CHCHD3: variants seen among roughly 807,000 people sequenced by gnomAD.
CHCHD3 encodes the protein MICOS complex subunit MIC19.
Under a neutral mutation model 38.2 loss-of-function variants are expected in CHCHD3, and 20 were observed. That is an observed-to-expected ratio of 0.52 (90% CI 0.37 to 0.76). The LOEUF (loss-of-function observed/expected upper bound fraction) is 0.76. Ranked by LOEUF, CHCHD3 falls within the 30% of genes least tolerant of loss-of-function variation. The probability of loss-of-function intolerance (pLI) is 0.00; values close to 1 mark genes in which losing one functional copy is unlikely to be tolerated. For synonymous variants in CHCHD3, 82 were observed against 100.0 expected (o/e 0.82, Z 1.07); for missense variants, 245 against 279.2 (o/e 0.88, Z 0.87).
intron 4 of CHCHD3, among the ~76,000 whole-genome samples, chr7:132,949,149 C>G (rs955671438): frequency 6.6e-6 from 1 of 152,126 alleles, no homozygotes; most frequent in African/African-American, 2.4e-5. Context: ...CAGATACTAA[C>G]TCTTCATATA....
chr7:133,027,460 A>C (rs1218180753), intron 2 of CHCHD3, among the ~76,000 whole-genome samples: 1 of 149,714 alleles, frequency 6.7e-6, no homozygotes, highest in Non-Finnish European at 1.5e-5. Context: ...GGGGGAGAGG[A>C]AGAGGAAAGA....
At chr7:133,081,806 C>T in intron 1 of CHCHD3, 51 bp downstream of exon 1, 1 of 1,535,816 alleles carries the variant, frequency 6.5e-7, no homozygotes, top group Non-Finnish European at 8.8e-7. Context: ...AAGATGGGGC[C>T]TTGGGGTCCG....
At chr7:132,877,134 T>C (rs1260422820) in intron 5 of CHCHD3, among the ~76,000 whole-genome samples, 1 of 152,112 alleles carries the variant, frequency 6.6e-6, no homozygotes, top group Non-Finnish European at 1.5e-5. Context: ...GTTAAAGGGA[T>C]CATTTTACCT....
chr7:132,914,445 CTG>C (rs1810049739), intron 4 of CHCHD3, among the ~76,000 whole-genome samples: 1 of 152,136 alleles, frequency 6.6e-6, no homozygotes. Context: ...AAGCATAAAA[CTG>C]TGTTCAGCCA....
intron 4 of CHCHD3, among the ~76,000 whole-genome samples, chr7:132,949,982 G>GGA (rs1377784443): frequency 6.6e-6 from 1 of 152,046 alleles, no homozygotes; most frequent in East Asian, 1.9e-4. Context: ...TCTCAGTTGT[G>GGA]TTTAGGAATA....
chr7:133,060,228 C>G (rs1270186393), intron 2 of CHCHD3, among the ~76,000 whole-genome samples: 1 of 152,158 alleles, frequency 6.6e-6, no homozygotes, highest in Non-Finnish European at 1.5e-5. Flanking sequence ...AGCAAACACA[C>G]ACAGTTCTAT....
At chr7:133,071,579 C>T (rs573073230) in intron 1 of CHCHD3, among the ~76,000 whole-genome samples, 11 of 152,308 alleles carry the variant, frequency 7.2e-5, no homozygotes, top group Middle Eastern at 3.4e-3. Flanking sequence ...AGAACAGAAG[C>T]AGGATCCCTG....
chr7:132,836,412 G>T (rs529233019), intron 6 of CHCHD3, among the ~76,000 whole-genome samples: 1 of 149,852 alleles, frequency 6.7e-6, no homozygotes, highest in East Asian at 2.0e-4. Flanking sequence ...GAGCCATCAC[G>T]CCTGGCGCCA....
intron 4 of CHCHD3, chr7:132,974,071 A>G (rs1213330656): frequency 1.6e-6 from 2 of 1,236,216 alleles, no homozygotes; most frequent in South Asian, 1.4e-5. Context: ...TGTTGAATAC[A>G]AAAGGCAGAA....
At chr7:132,925,201 G>C (rs1218826311) in intron 4 of CHCHD3, among the ~76,000 whole-genome samples, 8 of 151,892 alleles carry the variant, frequency 5.3e-5, no homozygotes, top group African/African-American at 1.9e-4. Flanking sequence ...AAAGGATGCT[G>C]TCCCCATTAG....
chr7:132,982,669 A>G (rs1811948980), intron 3 of CHCHD3, among the ~76,000 whole-genome samples: 2 of 152,252 alleles, frequency 1.3e-5, no homozygotes, highest in Non-Finnish European at 2.9e-5. Flanking sequence ...AACTGTAAGC[A>G]TTTGATGGGT....
intron 5 of CHCHD3, among the ~76,000 whole-genome samples, chr7:132,885,115 G>C (rs1033766220): frequency 1.3e-5 from 2 of 151,966 alleles, no homozygotes; most frequent in African/African-American, 4.8e-5. Context: ...AGCCAGGCAT[G>C]GTGGTGCATG....
At chr7:132,867,617 C>T (rs953334649) in intron 5 of CHCHD3, among the ~76,000 whole-genome samples, 2 of 152,020 alleles carry the variant, frequency 1.3e-5, no homozygotes, top group African/African-American at 4.8e-5. Context: ...GTTACTAATA[C>T]AATAATAGAA....
chr7:132,902,324 A>G (rs917990247), intron 4 of CHCHD3, among the ~76,000 whole-genome samples: 39 of 152,322 alleles, frequency 2.6e-4, no homozygotes, highest in African/African-American at 8.9e-4. Flanking sequence ...CTGGGTATAT[A>G]CCCAAAGGAT....
intron 4 of CHCHD3, among the ~76,000 whole-genome samples, chr7:132,945,253 TC>T (rs1465389148): frequency 2.6e-5 from 4 of 152,044 alleles, no homozygotes; most frequent in African/African-American, 4.8e-5. Context: ...TCAAAAAGGT[TC>T]CCCTTAAGCC....
intron 4 of CHCHD3, chr7:132,972,584 G>A (rs1395695595): frequency 2.6e-5 from 26 of 985,192 alleles, no homozygotes; most frequent in Non-Finnish European, 3.1e-5. Context: ...GAGAAATCTG[G>A]TAAATAAATT....
chr7:133,042,996 C>G (rs1813874273), intron 2 of CHCHD3, among the ~76,000 whole-genome samples: 1 of 151,970 alleles, frequency 6.6e-6, no homozygotes, highest in Admixed American at 6.6e-5. Flanking sequence ...CCCCACCGAG[C>G]AGCTGGACCA....
chr7:132,934,055 T>C (rs1810578674), intron 4 of CHCHD3, among the ~76,000 whole-genome samples: 1 of 152,196 alleles, frequency 6.6e-6, no homozygotes, highest in Admixed American at 6.5e-5. Flanking sequence ...CTGAATAGCA[T>C]TTCACTGGGA....
intron 5 of CHCHD3, among the ~76,000 whole-genome samples, chr7:132,853,438 T>C (rs762130138): frequency 1.3e-5 from 2 of 152,078 alleles, no homozygotes; most frequent in South Asian, 4.1e-4. Context: ...CTGGCCAACA[T>C]GGTGAAACCC....
Sources: gnomAD v4.1 joint callset for allele counts (sites outside exome capture counted in the v4.1 genomes callset) on GRCh38, gnomAD v4.1.1 for gene constraint, MANE v1.5 for transcripts, NCBI Gene and HGNC (gene_info 2026-07-23, HGNC 2026-07-21) for gene names.